Variants in ULK4 observed in about 807,000 individuals in gnomAD.
ULK4 encodes the protein inactive serine/threonine-protein kinase ULK4.
In ULK4, 133 loss-of-function variants were observed where a neutral mutation model predicts 160.6. The ratio of observed to expected loss-of-function variants is 0.83; its 90% confidence interval spans 0.72 to 0.96. The LOEUF (loss-of-function observed/expected upper bound fraction) is 0.96. Among genes scored for constraint, ULK4 ranks in the 40% least tolerant of loss-of-function variants. The pLI is 0.00. For missense variants in ULK4, 1,580 were observed against 1,499.5 expected, an observed-to-expected ratio of 1.05 and a Z score of -0.89; for synonymous variants, 534 against 539.8, an observed-to-expected ratio of 0.99 and a Z score of 0.15.
rs1553632600 is a variant in ULK4, at chr3:41,678,225, CAG to C, written c.2978+3281_2978+3282del. Among the ~76,000 whole-genome samples, 376 of 146,742 alleles carry C rather than the reference CAG, an allele frequency of 2.6e-3. 2 individuals carry two copies. The highest frequency in any genetic ancestry group is 6.5e-3 in the African/African-American group (253 of 38,960). On this transcript the variant is annotated intron_variant, in intron 29 of 36. Coordinates refer to ENST00000301831, the MANE Select transcript of ULK4 (RefSeq NM_017886.4). ...ACACACACACACACACACACACACA[CAG>C]AGCTCCTACTGGCTCTGTTTCTCTG...
At chr3:41,553,786 GGGCA>G (rs60118485) in intron 32 of ULK4, among the ~76,000 whole-genome samples, 63,338 of 151,648 alleles carry the variant, frequency 0.42, 14,650 homozygotes, top group Non-Finnish European at 0.51. Context: ...AGAGTAAATG[GGGCA>G]TCCATCCCAT....
intron 32 of ULK4, among the ~76,000 whole-genome samples, chr3:41,534,407 G>A (rs1310591249): frequency 6.6e-6 from 1 of 151,446 alleles, no homozygotes; most frequent in Non-Finnish European, 1.5e-5. Context: ...GGATTAGCCA[G>A]CAGCCAGTCT....
chr3:41,761,483 G>C (rs1485572459), intron 21 of ULK4, among the ~76,000 whole-genome samples: 1 of 150,820 alleles, frequency 6.6e-6, no homozygotes, highest in African/African-American at 2.4e-5. Flanking sequence ...TTAAACAGTA[G>C]AGCAACCACC....
intron 30 of ULK4, among the ~76,000 whole-genome samples, chr3:41,658,416 G>A (rs767674542): frequency 1.3e-5 from 2 of 152,106 alleles, no homozygotes; most frequent in African/African-American, 2.4e-5. Context: ...TTTGGAAATC[G>A]CTTGCTTAAA....
chr3:41,537,808 A>G (rs1324419203), intron 32 of ULK4, among the ~76,000 whole-genome samples: 1 of 152,150 alleles, frequency 6.6e-6, no homozygotes, highest in Non-Finnish European at 1.5e-5. Context: ...AAATAAGGCA[A>G]GTCCTGATCA....
chr3:41,704,910 G>A, intron 27 of ULK4, 147 bp downstream of exon 27: 1 of 567,454 alleles, frequency 1.8e-6, no homozygotes, highest in Non-Finnish European at 3.0e-6. Context: ...GATTTCCTAT[G>A]TTCATCCTGC....
At chr3:41,314,803 G>C (rs1180188995) in intron 35 of ULK4, among the ~76,000 whole-genome samples, 1 of 143,850 alleles carries the variant, frequency 7.0e-6, no homozygotes, top group South Asian at 2.2e-4. Context: ...ATCTTCATTT[G>C]GTGCAGTGTG....
chr3:41,469,616 A>AAAAAAAAAAAAAAAAC (rs1559625795), intron 32 of ULK4, among the ~76,000 whole-genome samples: 1 of 148,106 alleles, frequency 6.8e-6, no homozygotes, highest in Admixed American at 6.7e-5. Flanking sequence ...AAAAAAAAAA[A>AAAAAAAAAAAAAAAAC]AAAAAAAAAA....
At chr3:41,625,496 A>C (rs1029533125) in intron 30 of ULK4, among the ~76,000 whole-genome samples, 1 of 152,154 alleles carries the variant, frequency 6.6e-6, no homozygotes, top group African/African-American at 2.4e-5. Context: ...CGCACCCTTC[A>C]TTTGATGCAG....
Position 41,705,306 on chromosome 3 carries a change from C to A in ULK4, c.2635-1G>T. 1 of 1,604,020 alleles carries A rather than the reference C, an allele frequency of 6.2e-7. No homozygotes were observed. Among genetic ancestry groups the A allele is most frequent in the South Asian group, 1.1e-5 (1 of 88,326 alleles). On this transcript the variant is annotated splice_acceptor_variant, in intron 25 of 36. Coordinates refer to ENST00000301831, the MANE Select transcript of ULK4 (RefSeq NM_017886.4). LOFTEE classifies it high-confidence loss of function. ...CTGAGTCTACAGATTTAATATGACT[C>A]TGAAAAAAAATAAATTTTTAATAAA...
intron 33 of ULK4, among the ~76,000 whole-genome samples, chr3:41,457,207 T>C (rs1269547054): frequency 1.3e-5 from 2 of 152,154 alleles, no homozygotes; most frequent in African/African-American, 4.8e-5. Flanking sequence ...AAGGCAGTCT[T>C]GCAAATCAGC....
At chr3:41,721,287 G>GTTTTTTTT (rs1559507507) in intron 22 of ULK4, among the ~76,000 whole-genome samples, 1 of 68,830 alleles carries the variant, frequency 1.5e-5, no homozygotes, top group African/African-American at 6.7e-5. Flanking sequence ...TTTTTTTTGG[G>GTTTTTTTT]TTTTGAACCA....
chr3:41,565,108 C>G, intron 32 of ULK4, among the ~76,000 whole-genome samples: 1 of 152,150 alleles, frequency 6.6e-6, no homozygotes, highest in East Asian at 1.9e-4. Flanking sequence ...ACCATACAGC[C>G]TAGGTGTATA....
intron 32 of ULK4, among the ~76,000 whole-genome samples, chr3:41,479,038 T>C (rs888475546): frequency 1.3e-5 from 2 of 152,158 alleles, no homozygotes; most frequent in African/African-American, 4.8e-5. Context: ...GTGGGGGTGA[T>C]CCCTCATCAG....
Position 41,663,658 on chromosome 3 carries a change from T to C in ULK4, c.3020A>G (p.Tyr1007Cys). 3 of 1,613,958 alleles carry C rather than the reference T, an allele frequency of 1.9e-6. No homozygotes were observed. Among genetic ancestry groups the C allele is most frequent in the Non-Finnish European group, 8.5e-7 (1 of 1,179,888 alleles). The change falls in exon 30 of 37, where the codon TAT becomes TGT. Residue 1007 changes from tyrosine (Y) to cysteine (C), a missense_variant. Physicochemically the swap from Tyr to Cys is radical, Grantham distance 194. Coordinates refer to ENST00000301831, the MANE Select transcript of ULK4 (RefSeq NM_017886.4). ...ILLEPDPVPA[Y>C]ALKLLVAMTE... ...CATCGCGACTAGCAGTTTCAGAGCA[T>C]ATGCTGGTACTGGGTCAGGTTCTAA...
intron 32 of ULK4, among the ~76,000 whole-genome samples, chr3:41,517,107 G>A (rs2085776030): frequency 6.6e-6 from 1 of 152,126 alleles, no homozygotes; most frequent in Non-Finnish European, 1.5e-5. Flanking sequence ...GATGGCAAAT[G>A]AGCACAGGAA....
At chr3:41,414,004 A>G (rs2082471477) in intron 34 of ULK4, among the ~76,000 whole-genome samples, 2 of 152,222 alleles carry the variant, frequency 1.3e-5, no homozygotes, top group African/African-American at 4.8e-5. Context: ...CAGGAGTTCG[A>G]GACCAGCCTG....
intron 30 of ULK4, among the ~76,000 whole-genome samples, chr3:41,657,828 A>AAAAAAAAAAAAAAAAAAAC: frequency 6.6e-6 from 1 of 150,414 alleles, no homozygotes; most frequent in African/African-American, 2.5e-5. Context: ...TAAAAAAAAA[A>AAAAAAAAAAAAAAAAAAAC]AAAAAAACAC....
chr3:41,946,940 C>T (rs866384470), intron 2 of ULK4, among the ~76,000 whole-genome samples: 5 of 152,180 alleles, frequency 3.3e-5, no homozygotes, highest in African/African-American at 1.2e-4. Flanking sequence ...AAGCCTTTGA[C>T]GGACTCCAAA....
Sources: gnomAD v4.1 joint callset for allele counts (sites outside exome capture counted in the v4.1 genomes callset) on GRCh38, gnomAD v4.1.1 for gene constraint, MANE v1.5 for transcripts, NCBI Gene and HGNC (gene_info 2026-07-23, HGNC 2026-07-21) for gene names.